The following MAN2C1 variants were observed in gnomAD, a reference collection of about 807,000 sequenced individuals.
MAN2C1 encodes alpha-mannosidase 2C1.
A neutral mutation model predicts 126.9 loss-of-function variants in MAN2C1; 111 were observed. The ratio of observed to expected loss-of-function variants is 0.87; its 90% CI spans 0.75 to 1.02. MAN2C1 has a LOEUF of 1.02. Ranked by LOEUF, MAN2C1 falls within the 50% of genes least tolerant of loss-of-function variation. The pLI is 0.00. For missense variants in MAN2C1, 1,363 were observed against 1,364.4 expected, an observed-to-expected ratio of 1.00 and a Z score of 0.02; for synonymous variants, 567 against 561.5, an observed-to-expected ratio of 1.01 and a Z score of -0.14.
At position 75,356,046 on chromosome 15, in the gene MAN2C1, G is replaced by A. The variant is rs1176989429; in HGVS notation, c.2997-14C>T. ...AAGAGATCGCAGCTGGAGAACAGGAGGGGCCATGAAGGCTCTGCGAGGGCG... is the reference window on the plus strand; with the variant it reads ...AAGAGATCGCAGCTGGAGAACAGGAAGGGCCATGAAGGCTCTGCGAGGGCG... On this transcript the variant is annotated splice_polypyrimidine_tract_variant and intron_variant, in intron 25 of 25. Transcript: ENST00000267978. This position sits in a 1 kb window ranked among gnomAD's most constrained non-coding sequence, Gnocchi z 5.8. The A allele has an allele frequency of 1.7e-5, 27 of 1,613,952 alleles. No homozygotes were observed. Among genetic ancestry groups the A allele is most frequent in the East Asian group, 2.2e-5 (1 of 44,858 alleles).
At position 75,362,925 on chromosome 15, in the gene MAN2C1, T is replaced by A. The variant is rs2072504672; in HGVS notation, c.791-177A>T. The A allele has an allele frequency of 1.6e-6, 1 of 608,472 alleles. No homozygotes were observed. The highest frequency in any genetic ancestry group is 1.8e-5 in the African/African-American group (1 of 54,120). 37.7% of individuals were successfully genotyped at this position (608,472 alleles called of 1,614,324 possible). Reference sequence around the variant, plus strand: ...ACTCCAGCGAGGTGGGAGGAGGGGCTGGGGAAAGGAGGCGGCAGTGCTATG... The same window carrying A: ...ACTCCAGCGAGGTGGGAGGAGGGGCAGGGGAAAGGAGGCGGCAGTGCTATG... On this transcript the variant is annotated intron_variant, in intron 6 of 25. Transcript: ENST00000267978. This position sits in a 1 kb window ranked among gnomAD's most constrained non-coding sequence, Gnocchi z 4.5.
At chr15:75,363,424 G>GT (rs34386653) in intron 6 of MAN2C1, 84,349 of 416,628 alleles carry the variant, frequency 0.2, 10,313 homozygotes, top group Non-Finnish European at 0.27. Flanking sequence ...CCCCACCATT[G>GT]TGACACCAAC....
At chr15:75,358,917 C>T in intron 18 of MAN2C1, 109 bp from the exon 19 acceptor site, 2 of 1,386,070 alleles carry the variant, frequency 1.4e-6, no homozygotes, top group South Asian at 1.2e-5. Context: ...GGGACTACTG[C>T]CCAGCCTGCC....
chr15:75,356,598 G>C lies in MAN2C1; in HGVS notation c.2737+8C>G, dbSNP rs370645935. On this transcript the variant is annotated splice_region_variant and intron_variant, in intron 23 of 25. Transcript: ENST00000267978. The surrounding 1 kb of genome is among the most constrained non-coding windows in gnomAD (Gnocchi z 5.8). ...CTGCAGGAAGGCCCCACCGTCCCCAGCACTCACCCTTGTGCGGCATCAGTG... is the reference window on the plus strand; with the variant it reads ...CTGCAGGAAGGCCCCACCGTCCCCACCACTCACCCTTGTGCGGCATCAGTG... 1 of 1,556,892 alleles carries C rather than the reference G, an allele frequency of 6.4e-7. No individual in the cohort carries two copies. The highest frequency in any genetic ancestry group is 8.7e-7 in the Non-Finnish European group (1 of 1,150,772).
At position 75,364,108 on chromosome 15, in the gene MAN2C1, C is replaced by A; in HGVS notation, c.681G>T (p.Gln227His). ...NQMVNVCDPA[Q>H]PETFPVAQAL... ...CCTGGGCCACTGGGAAGGTCTCGGG[C>A]TGGGCAGGGTCACACACGTTCACCA... The change falls in exon 6 of 26, where the codon CAG becomes CAT. Residue 227 changes from glutamine to histidine, a missense_variant. Physicochemically the swap from Gln to His is conservative, Grantham distance 24 (BLOSUM62 0). This residue lies in a region of MAN2C1 where 628 missense variants were observed against 609.8 expected (regional missense o/e 1.03). Transcript: ENST00000267978. The A allele has an allele frequency of 6.2e-7, 1 of 1,614,206 alleles. No homozygotes were observed. Among genetic ancestry groups the A allele is most frequent in the Non-Finnish European group, 8.5e-7 (1 of 1,180,030 alleles).
Position 75,368,132 on chromosome 15 carries a change from G to GT in MAN2C1, c.167dup (p.Tyr56Ter). 1 of 1,606,262 alleles carries GT rather than the reference G, an allele frequency of 6.2e-7. No individual in the cohort carries two copies. The highest frequency in any genetic ancestry group is 8.5e-7 in the Non-Finnish European group (1 of 1,177,406). The change falls in exon 2 of 26, where the codon TAC becomes TAAC. Residue 56 changes from tyrosine (Y) to a stop codon, truncating the protein, a stop_gained and frameshift_variant. Transcript: ENST00000267978. LOFTEE classifies it high-confidence loss of function. ...SSFLTPERLP[Y>*]QEAVQRDFRP... ...GGAAGTCCCGCTGGACTGCCTCCTG[G>GT]TAGGGAAGTCTCTCCGGCGTCAGGA...
chr15:75,362,983 C>T lies in MAN2C1; in HGVS notation c.791-235G>A, dbSNP rs2072505598. On this transcript the variant is annotated intron_variant, in intron 6 of 25. Coordinates refer to ENST00000267978, the MANE Select transcript of MAN2C1 (RefSeq NM_006715.4). The surrounding 1 kb of genome is among the most constrained non-coding windows in gnomAD (Gnocchi z 4.5). ...TTATACAGGTCAGGAAATGGAGGCTCCAGGCCCCAGAATAGCCTCAGTCCT... is the reference window on the plus strand; with the variant it reads ...TTATACAGGTCAGGAAATGGAGGCTTCAGGCCCCAGAATAGCCTCAGTCCT... 2 of 524,474 alleles carry T rather than the reference C, an allele frequency of 3.8e-6. No homozygotes were observed. Among genetic ancestry groups the T allele is most frequent in the Non-Finnish European group, 6.9e-6 (2 of 289,432 alleles). 32.5% of individuals were successfully genotyped at this position (524,474 alleles called of 1,614,324 possible).
At position 75,358,712 on chromosome 15, in the gene MAN2C1, C is replaced by T. The variant is rs201975763; in HGVS notation, c.2238G>A (p.Leu746=). 81 of 537,954 alleles carry T rather than the reference C, an allele frequency of 1.5e-4. No individual in the cohort carries two copies. Among genetic ancestry groups the T allele is most frequent in the Non-Finnish European group, 2.3e-4 (77 of 338,412 alleles). The allele number at this position is 537,954 out of a possible 1,614,324, so 33.3% of individuals were successfully genotyped here. The change falls in exon 19 of 26, where the codon CTG becomes CTA. Residue 746 remains leucine, a synonymous_variant. Coordinates refer to ENST00000267978, the MANE Select transcript of MAN2C1 (RefSeq NM_006715.4). ...WDAWDVMDYH[L]ETRKPVLGQA... is the part of the protein sequence containing the mutation. ...TGCTGCCCAGCCTATACCGTGTCTC[C>T]AGGTGGTAGTCCATGACGTCCCATG...
Position 75,360,176 on chromosome 15 carries a change from C to A in MAN2C1, c.1620G>T (p.Leu540=). The A allele has an allele frequency of 6.2e-7, 1 of 1,612,650 alleles. No homozygotes were observed. Among genetic ancestry groups the A allele is most frequent in the Non-Finnish European group, 8.5e-7 (1 of 1,180,012 alleles). The change falls in exon 14 of 26, where the codon CTG becomes CTT. Residue 540 remains leucine, a synonymous_variant. Coordinates refer to ENST00000267978, the MANE Select transcript of MAN2C1 (RefSeq NM_006715.4). The part of the protein sequence containing the change: ...KKGNRECERI[L]HDVELLSSLA... ...GGCTACTGAGCAGCTCCACGTCGTG[C>A]AGGATCCGCTCACATTCCCGGTTCC... is the stretch of plus-strand genomic sequence containing the variant.
intron 17 of MAN2C1, 29 bp downstream of exon 17, chr15:75,359,299 T>G: frequency 6.3e-7 from 1 of 1,576,348 alleles, no homozygotes; most frequent in Non-Finnish European, 8.6e-7. Context: ...CCAGCACAGT[T>G]CCTGCCCCCC....
chr15:75,356,954 T>C lies in MAN2C1; in HGVS notation c.2548-52A>G. 6.9e-7 allele frequency: 1 copy of C among 1,454,722 alleles called. No homozygotes were observed. The highest frequency in any genetic ancestry group is 9.6e-7 in the Non-Finnish European group (1 of 1,038,916). 90.1% of individuals were successfully genotyped at this position (1,454,722 alleles called of 1,614,324 possible). A position where few individuals can be genotyped will look rare whatever the true frequency, so the allele number is the denominator to read the frequency against. On this transcript the variant is annotated intron_variant, in intron 21 of 25. Transcript: ENST00000267978. The surrounding 1 kb of genome is among the most constrained non-coding windows in gnomAD (Gnocchi z 5.8). ...GGTGGCCCTGTGCCCCTCTTTGTGC[T>C]CCCAGACTCCAGAGCTCCTGTCACT... is the stretch of plus-strand genomic sequence containing the variant.
rs763160976 is a variant in MAN2C1 at position 75,367,574 on chromosome 15, T to C, written c.288A>G (p.Glu96=). ...LTIPEAWVGQ[E]VHLCWESDGE... ...CATCACTTTCCCAGCAAAGGTGAAC[T>C]TCCTGGCCCACCCATGCCTCTGGGA... The change falls in exon 3 of 26, where the codon GAA becomes GAG. Residue 96 remains glutamate (E), a synonymous_variant. Coordinates refer to ENST00000267978, the MANE Select transcript of MAN2C1 (RefSeq NM_006715.4). 1.2e-6 allele frequency: 2 copies of C among 1,614,224 alleles called. No homozygotes were observed. Among genetic ancestry groups the C allele is most frequent in the Non-Finnish European group, 1.7e-6 (2 of 1,180,034 alleles).
rs759249482 is a variant in MAN2C1 at position 75,364,622 on chromosome 15, C to A, written c.466G>T (p.Ala156Ser). 2.1e-5 allele frequency: 34 copies of A among 1,613,206 alleles called. 1 individual carries two copies. In the Middle Eastern group the frequency reaches 3.1e-3, roughly 149 times the overall value. The change falls in exon 5 of 26, where the codon GCC becomes TCC. Residue 156 changes from alanine to serine, a missense_variant. By Grantham distance (99) the Ala-to-Ser change is moderately conservative (BLOSUM62 1). This residue lies in a region of MAN2C1 where 628 missense variants were observed against 609.8 expected (regional missense o/e 1.03). Transcript: ENST00000267978. ...VEVACNGLLG[A>S]GKGSMIAAPD... is the part of the protein sequence containing the mutation. ...GCTGCAATCATGCTTCCCTTCCCGG[C>A]CCCCAGGAGCCCATTGCAGGCTACT...
chr15:75,368,556 A>C lies in MAN2C1; in HGVS notation c.28T>G (p.Trp10Gly). Residue 10 changes from tryptophan to glycine, a missense_variant, in exon 1 of 26, where the codon TGG becomes GGG. Transcript: ENST00000267978. ...TCCACCCGCTCCAGCGTGGTGCGCC[A>C]GTGCTTCAAGGCCGGCGCAGCCGCC... is the stretch of plus-strand genomic sequence containing the variant. Reference protein sequence around the residue: MAAAPALKHWRTTLERVEKF... With the variant: MAAAPALKHGRTTLERVEKF... 1 of 1,551,280 alleles carries C rather than the reference A, an allele frequency of 6.4e-7. No homozygotes were observed. The highest frequency in any genetic ancestry group is 1.2e-5 in the South Asian group (1 of 84,228).
chr15:75,360,369 C>T, intron 13 of MAN2C1, 158 bp from the exon 14 acceptor site: 2 of 1,308,504 alleles, frequency 1.5e-6, no homozygotes, highest in Non-Finnish European at 2.1e-6. Flanking sequence ...CCTCTTCTCC[C>T]CGCAGCCCAA....
At chr15:75,367,824 G>A (rs371604945) in intron 2 of MAN2C1, 190 bp from the exon 3 acceptor site, 1 of 882,372 alleles carries the variant, frequency 1.1e-6, no homozygotes, top group Non-Finnish European at 1.7e-6. Flanking sequence ...AGGCGTCAAA[G>A]GTTCGTGATC....
chr15:75,365,276 C>G (rs1297125972), intron 4 of MAN2C1, among the ~76,000 whole-genome samples: 1 of 149,864 alleles, frequency 6.7e-6, no homozygotes, highest in Non-Finnish European at 1.5e-5. Context: ...TTTTATTCAC[C>G]ACCATACTCC....
At chr15:75,363,840 G>C in intron 6 of MAN2C1, 159 bp downstream of exon 6, 1 of 716,124 alleles carries the variant, frequency 1.4e-6, no homozygotes, top group Non-Finnish European at 2.3e-6. Context: ...AGCAAGCAGA[G>C]CCCACAGTCC....
In MAN2C1 at chr15:75,355,955, G is replaced by A. The variant is rs978362067; in HGVS notation, c.3074C>T (p.Pro1025Leu). The A allele has an allele frequency of 3.1e-6, 5 of 1,614,102 alleles. No individual in the cohort carries two copies. The highest frequency in any genetic ancestry group is 4.2e-6 in the Non-Finnish European group (5 of 1,180,050). The stretch of plus-strand genomic sequence containing the variant: ...GAGCAACAGGGACAGCACTTGGAAG[G>A]GAGAAAAGGTGAGCTTCAGGCGGTT... ...RDNRLKLTFS[P>L]FQVLSLLLVL... The change falls in exon 26 of 26, where the codon CCC (proline) becomes CTC (leucine). Residue 1025 changes from proline (P) to leucine (L), a missense_variant. By Grantham distance (98) the Pro-to-Leu change is moderately conservative (BLOSUM62 -3). Coordinates refer to ENST00000267978, the MANE Select transcript of MAN2C1 (RefSeq NM_006715.4).
Sources: gnomAD v4.1 joint callset for allele counts (sites outside exome capture counted in the v4.1 genomes callset) on GRCh38, gnomAD v4.1.1 for gene constraint, gnomAD v4.1.1 regional missense constraint, Gnocchi (gnomAD v3.1) non-coding constraint, MANE v1.5 for transcripts, NCBI Gene and HGNC (gene_info 2026-07-23, HGNC 2026-07-21) for gene names.